The following HDHD2 variants were observed in gnomAD, a reference collection of about 807,000 sequenced individuals.
HDHD2 encodes the protein haloacid dehalogenase like hydrolase domain containing 2.
Under a neutral mutation model 24.8 loss-of-function variants are expected in HDHD2, and 26 were observed. The ratio of observed to expected loss-of-function variants is 1.05; its 90% CI spans 0.77 to 1.45. The LOEUF (loss-of-function observed/expected upper bound fraction) is 1.45. HDHD2 is among the 40% of genes most tolerant of loss of function. HDHD2 has a pLI of 0.00. For synonymous variants in HDHD2, 128 were observed against 114.9 expected, an observed-to-expected ratio of 1.11 and a Z score of -0.73; for missense variants, 299 against 313.4, an observed-to-expected ratio of 0.95 and a Z score of 0.35.
intron 1 of HDHD2, among the ~76,000 whole-genome samples, chr18:47,142,661 T>C (rs999038872): frequency 6.6e-6 from 1 of 152,148 alleles, no homozygotes; most frequent in Admixed American, 6.5e-5. Context: ...CATGTGATTA[T>C]ATAAGAATAA....
intron 4 of HDHD2, among the ~76,000 whole-genome samples, chr18:47,117,962 C>T (rs1289440900): frequency 6.6e-6 from 1 of 151,662 alleles, no homozygotes; most frequent in African/African-American, 2.4e-5. Flanking sequence ...TGGGTTTTTG[C>T]TTCTGCAATA....
At chr18:47,142,786 A>T (rs61689863) in intron 1 of HDHD2, among the ~76,000 whole-genome samples, 8,204 of 152,228 alleles carry the variant, frequency 0.054, 280 homozygotes, top group East Asian at 0.13. Context: ...CACTGGTTTT[A>T]CACCTTAGTT....
At chr18:47,112,918 A>T (rs911502872) in intron 6 of HDHD2, 59 bp downstream of exon 6, 12 of 1,390,128 alleles carry the variant, frequency 8.6e-6, no homozygotes, top group Admixed American at 5.1e-5. Context: ...ATTGTTCTTT[A>T]AGCAACTGTG....
intron 4 of HDHD2, among the ~76,000 whole-genome samples, chr18:47,118,495 A>C (rs1213841376): frequency 6.6e-6 from 1 of 152,078 alleles, no homozygotes; most frequent in Non-Finnish European, 1.5e-5. Context: ...CAAACCAAAC[A>C]CTACATGTTC....
At chr18:47,114,804 T>A (rs1310145284) in intron 5 of HDHD2, among the ~76,000 whole-genome samples, 4 of 151,978 alleles carry the variant, frequency 2.6e-5, no homozygotes, top group African/African-American at 9.7e-5. Context: ...AAGCATTCAA[T>A]TGACTTGCAA....
At position 47,142,963 on chromosome 18, in the gene HDHD2, T is replaced by C. The variant is rs539857007; in HGVS notation, c.-10-6514A>G. ...AACTACTCTTAAATGAAACAGAATT[T>C]ACCTCCCTACACAGAATATACCAGA... On this transcript the variant is annotated intron_variant, in intron 1 of 6. Transcript: ENST00000300605. Among the ~76,000 whole-genome samples, 38 of 152,296 alleles carry C rather than the reference T, an allele frequency of 2.5e-4. No homozygotes were observed. In the South Asian group the frequency reaches 3.3e-3, roughly 13 times the overall value.
chr18:47,147,758 A>C (rs1209562572), intron 1 of HDHD2, among the ~76,000 whole-genome samples: 1 of 152,198 alleles, frequency 6.6e-6, no homozygotes, highest in Admixed American at 6.5e-5. Flanking sequence ...TTACCAAAAC[A>C]TTTTAAAAGC....
At chr18:47,123,501 C>A (rs556593890) in intron 4 of HDHD2, among the ~76,000 whole-genome samples, 2 of 152,154 alleles carry the variant, frequency 1.3e-5, no homozygotes, top group South Asian at 4.1e-4. Context: ...GCAGAAGAAT[C>A]GCTTGAACCT....
intron 1 of HDHD2, among the ~76,000 whole-genome samples, chr18:47,144,503 A>G (rs1244834534): frequency 6.6e-6 from 1 of 152,222 alleles, no homozygotes; most frequent in Admixed American, 6.5e-5. Flanking sequence ...CCAAATTCAC[A>G]TTACCTAAGA....
rs2147452794 is a variant in HDHD2 at position 47,108,509 on chromosome 18, T to C, written c.*173A>G. 2.1e-6 allele frequency: 1 copy of C among 470,760 alleles called. No homozygotes were observed. Among genetic ancestry groups the C allele is most frequent in the Non-Finnish European group, 3.7e-6 (1 of 270,622 alleles). 29.2% of individuals were successfully genotyped at this position (470,760 alleles called of 1,614,324 possible). A position where few individuals can be genotyped will look rare whatever the true frequency, so the allele number is the denominator to read the frequency against. On this transcript the variant is annotated 3_prime_UTR_variant, in exon 7 of 7. Coordinates refer to ENST00000300605, the MANE Select transcript of HDHD2 (RefSeq NM_032124.5). ...ACAAAATAAAAGAGATTAGCAAGGC[T>C]TACTGGCTAGCCGCAATTCAATACC...
At chr18:47,124,348 C>T (rs887913342) in intron 4 of HDHD2, among the ~76,000 whole-genome samples, 5 of 152,086 alleles carry the variant, frequency 3.3e-5, no homozygotes, top group Non-Finnish European at 7.4e-5. Flanking sequence ...AGTGAAAAGG[C>T]AAATCAAAGA....
intron 4 of HDHD2, among the ~76,000 whole-genome samples, chr18:47,127,085 C>T (rs749893291): frequency 2.6e-5 from 4 of 152,086 alleles, no homozygotes; most frequent in Admixed American, 2.0e-4. Flanking sequence ...GGCATGAACC[C>T]GGAAGGCGGA....
At chr18:47,136,681 T>C (rs930766285) in intron 1 of HDHD2, among the ~76,000 whole-genome samples, 1 of 151,880 alleles carries the variant, frequency 6.6e-6, no homozygotes, top group Non-Finnish European at 1.5e-5. Flanking sequence ...ATTAAAACTA[T>C]AGGAAGCAAA....
intron 4 of HDHD2, among the ~76,000 whole-genome samples, chr18:47,117,984 A>G (rs2063571003): frequency 6.6e-6 from 1 of 151,886 alleles, no homozygotes; most frequent in African/African-American, 2.4e-5. Context: ...AGCAAGTCAC[A>G]TAATTATTTC....
rs141329896 is a variant in HDHD2 at position 47,132,727 on chromosome 18, C to CT, written c.310+1768dup. ...ATTTTCTATATTGTGCCATTGCACT[C>CT]TAAGTATCCTCTCTGAAAAGAAGCA... On this transcript the variant is annotated intron_variant, in intron 3 of 6. Transcript: ENST00000300605. Among the ~76,000 whole-genome samples the CT allele has an allele frequency of 8.8e-4, 134 of 152,334 alleles. 1 individual carries two copies. Among genetic ancestry groups the CT allele is most frequent in the African/African-American group, 3.2e-3 (131 of 41,586 alleles).
At chr18:47,140,061 A>G (rs1168101926) in intron 1 of HDHD2, among the ~76,000 whole-genome samples, 1 of 152,158 alleles carries the variant, frequency 6.6e-6, no homozygotes, top group Non-Finnish European at 1.5e-5. Context: ...TCTTTTCTTC[A>G]TATTTTTTAC....
At chr18:47,138,655 G>A (rs1216464792) in intron 1 of HDHD2, among the ~76,000 whole-genome samples, 3 of 152,208 alleles carry the variant, frequency 2.0e-5, no homozygotes, top group African/African-American at 7.2e-5. Context: ...ATAACAGTGT[G>A]ATATATAAAT....
chr18:47,116,830 A>G (rs2063561767), intron 4 of HDHD2, among the ~76,000 whole-genome samples: 1 of 152,228 alleles, frequency 6.6e-6, no homozygotes, highest in African/African-American at 2.4e-5. Flanking sequence ...TATATAGCCT[A>G]AACTGAAAAC....
intron 1 of HDHD2, among the ~76,000 whole-genome samples, chr18:47,146,977 T>C (rs1368389552): frequency 6.6e-6 from 1 of 152,202 alleles, no homozygotes; most frequent in African/African-American, 2.4e-5. Context: ...AATTATACTA[T>C]AATCATTTTA....
Sources: allele counts gnomAD v4.1 joint callset (sites outside exome capture counted in the v4.1 genomes callset), GRCh38; gene constraint gnomAD v4.1.1; transcripts MANE v1.5; gene names NCBI Gene and HGNC (gene_info 2026-07-23, HGNC 2026-07-21).